Variants in PRKD1 observed in about 807,000 individuals in gnomAD.
PRKD1 encodes protein kinase D1, also known as serine/threonine-protein kinase D1.
PRKD1 carries 63 observed loss-of-function variants against 95.9 expected under a neutral mutation model. The observed-to-expected ratio is 0.66, with a 90% CI of 0.54 to 0.81. The LOEUF (loss-of-function observed/expected upper bound fraction) is 0.81, where lower values mean the gene tolerates loss of function less well. PRKD1 is among the 30% of genes least tolerant of loss of function. PRKD1 has a pLI of 0.00. For synonymous variants in PRKD1, 425 were observed against 423.1 expected (o/e 1.00, Z -0.05); for missense variants, 1,048 against 1,165.3 (o/e 0.90, Z 1.47).
At chr14:29,669,426 A>G (rs1476050724) in intron 2 of PRKD1, among the ~76,000 whole-genome samples, 11 of 152,166 alleles carry the variant, frequency 7.2e-5, no homozygotes, top group Non-Finnish European at 1.5e-4. Context: ...GAAGTTTCTG[A>G]AAGCTGTGAA....
chr14:29,607,012 G>A (rs925115011), intron 13 of PRKD1, among the ~76,000 whole-genome samples: 1 of 152,108 alleles, frequency 6.6e-6, no homozygotes, highest in Non-Finnish European at 1.5e-5. Context: ...TGTAAAATAG[G>A]ATGATAGTAA....
intron 1 of PRKD1, among the ~76,000 whole-genome samples, chr14:29,795,905 A>G (rs1236401514): frequency 1.3e-5 from 2 of 152,184 alleles, no homozygotes; most frequent in African/African-American, 4.8e-5. Flanking sequence ...CAAAGTTTAC[A>G]AAGGAAGGTA....
chr14:29,593,983 A>ATGGAG (rs1431675975), intron 16 of PRKD1: 1 of 334,772 alleles, frequency 3.0e-6, no homozygotes, highest in East Asian at 8.3e-5. Context: ...AGTGTAAAGA[A>ATGGAG]TGGAGACAAA....
At chr14:29,812,872 G>A (rs1042238091) in intron 1 of PRKD1, among the ~76,000 whole-genome samples, 13 of 152,176 alleles carry the variant, frequency 8.5e-5, no homozygotes, top group Admixed American at 6.5e-5. Flanking sequence ...ACTTTGGGAG[G>A]CCAAGGCAGG....
intron 4 of PRKD1, among the ~76,000 whole-genome samples, chr14:29,655,531 A>G (rs554133991): frequency 4.1e-4 from 62 of 152,318 alleles, no homozygotes; most frequent in African/African-American, 1.3e-3. Flanking sequence ...TCAACTCTCA[A>G]TTGACCAAGG....
intron 1 of PRKD1, among the ~76,000 whole-genome samples, chr14:29,842,646 T>C (rs974741120): frequency 3.3e-5 from 5 of 152,236 alleles, no homozygotes; most frequent in Admixed American, 3.3e-4. Context: ...ATACATACCA[T>C]CCAAACTGTC....
At chr14:29,662,768 T>C (rs1285330577) in intron 4 of PRKD1, among the ~76,000 whole-genome samples, 1 of 152,046 alleles carries the variant, frequency 6.6e-6, no homozygotes, top group African/African-American at 2.4e-5. Context: ...AAGAGGGATC[T>C]ATTCAACCTA....
intron 1 of PRKD1, among the ~76,000 whole-genome samples, chr14:29,750,595 T>C (rs578123001): frequency 2.0e-5 from 3 of 148,562 alleles, no homozygotes; most frequent in Admixed American, 6.7e-5. Flanking sequence ...CATCATCCTA[T>C]CCCAGGATGC....
At chr14:29,924,993 T>A (rs1024345917) in intron 1 of PRKD1, among the ~76,000 whole-genome samples, 1 of 152,178 alleles carries the variant, frequency 6.6e-6, no homozygotes, top group African/African-American at 2.4e-5. Context: ...ATATATTTAT[T>A]TACAGTATTC....
chr14:29,630,537 A>G (rs1352941378), intron 10 of PRKD1: 8 of 612,782 alleles, frequency 1.3e-5, no homozygotes, highest in Middle Eastern at 4.2e-4. Flanking sequence ...TAAAATAGCT[A>G]TAATAAAATA....
intron 1 of PRKD1, among the ~76,000 whole-genome samples, chr14:29,877,214 A>T (rs1594595936): frequency 6.6e-6 from 1 of 152,224 alleles, no homozygotes; most frequent in East Asian, 1.9e-4. Flanking sequence ...AGTGTTGACA[A>T]GAATGTGGAG....
intron 1 of PRKD1, among the ~76,000 whole-genome samples, chr14:29,905,075 A>G (rs1311524483): frequency 2.0e-5 from 3 of 152,212 alleles, no homozygotes; most frequent in Non-Finnish European, 2.9e-5. Context: ...TCTGCCAAAT[A>G]CATACCAATG....
chr14:29,603,623 A>T (rs1893601664), intron 13 of PRKD1, among the ~76,000 whole-genome samples: 1 of 152,214 alleles, frequency 6.6e-6, no homozygotes, highest in Non-Finnish European at 1.5e-5. Context: ...CTTTTCATGA[A>T]CAGTTTTAAT....
Position 29,927,371 on chromosome 14 carries a change from C to T in PRKD1, c.142G>A (p.Gly48Ser). ...CCGATCTGCAGATGGAACGAGATGC[C>T]CCCGACCGGGGCCGCGACAGGAGCC... ...FLAPVAAPVGGISFHLQIGLS... is the reference protein window; with the variant it reads ...FLAPVAAPVGSISFHLQIGLS... The change falls in exon 1 of 18, where the codon GGC (glycine) becomes AGC (serine). Residue 48 changes from glycine (G) to serine (S), a missense_variant. This residue lies in a region of PRKD1 where 275 missense variants were observed against 248.6 expected (regional missense o/e 1.11). Transcript: ENST00000331968. 1 of 1,561,510 alleles carries T rather than the reference C, an allele frequency of 6.4e-7. No individual in the cohort carries two copies. Among genetic ancestry groups the T allele is most frequent in the Non-Finnish European group, 8.6e-7 (1 of 1,156,506 alleles).
intron 1 of PRKD1, among the ~76,000 whole-genome samples, chr14:29,732,777 C>A (rs779983037): frequency 7.2e-5 from 11 of 152,038 alleles, no homozygotes; most frequent in Non-Finnish European, 1.5e-4. Context: ...CCCTTGTCTC[C>A]TGCTTTGAAT....
chr14:29,878,079 A>G (rs1181537959), intron 1 of PRKD1, among the ~76,000 whole-genome samples: 2 of 152,156 alleles, frequency 1.3e-5, no homozygotes, highest in African/African-American at 2.4e-5. Context: ...GTTCTCACTT[A>G]TAAGTGGGAG....
At chr14:29,843,641 T>C (rs978392084) in intron 1 of PRKD1, among the ~76,000 whole-genome samples, 2 of 152,218 alleles carry the variant, frequency 1.3e-5, no homozygotes, top group Admixed American at 1.3e-4. Flanking sequence ...TTATTGAGCA[T>C]CTATACTATG....
chr14:29,720,715 G>T (rs1319150593), intron 2 of PRKD1, among the ~76,000 whole-genome samples: 2 of 151,864 alleles, frequency 1.3e-5, no homozygotes, highest in African/African-American at 4.8e-5. Flanking sequence ...GGGAGGTGGA[G>T]GTTGCAGTGA....
chr14:29,759,098 T>C (rs528726735), intron 1 of PRKD1, among the ~76,000 whole-genome samples: 9 of 152,356 alleles, frequency 5.9e-5, no homozygotes, highest in African/African-American at 1.9e-4. Context: ...TTCCCTAGTC[T>C]AAGGAGACTG....
Sources: allele counts gnomAD v4.1 joint callset (sites outside exome capture counted in the v4.1 genomes callset), GRCh38; gene constraint gnomAD v4.1.1; regional missense constraint gnomAD v4.1.1; transcripts MANE v1.5; gene names NCBI Gene and HGNC (gene_info 2026-07-23, HGNC 2026-07-21).